Variants in LRRC49 observed in about 807,000 individuals in gnomAD.
LRRC49 encodes the protein leucine rich repeat containing 49.
LRRC49 carries 50 observed loss-of-function variants against 83.3 expected under a neutral mutation model. The ratio of observed to expected loss-of-function variants is 0.60; its 90% CI spans 0.48 to 0.76. LRRC49 has a LOEUF of 0.76. Among genes scored for constraint, LRRC49 ranks in the 30% least tolerant of loss-of-function variants. The pLI is 0.00. For missense variants in LRRC49, 704 were observed against 809.1 expected, an observed-to-expected ratio of 0.87 and a Z score of 1.58; for synonymous variants, 286 against 283.3, an observed-to-expected ratio of 1.01 and a Z score of -0.10.
chr15:70,917,173 G>C (rs917112089), intron 6 of LRRC49, among the ~76,000 whole-genome samples: 12 of 152,308 alleles, frequency 7.9e-5, no homozygotes, highest in Admixed American at 3.3e-4. Context: ...GGGCAGCTAG[G>C]TGCTGGCCTG....
At chr15:70,971,065 A>C (rs1365604426) in intron 9 of LRRC49, among the ~76,000 whole-genome samples, 1 of 152,056 alleles carries the variant, frequency 6.6e-6, no homozygotes, top group Non-Finnish European at 1.5e-5. Flanking sequence ...AATTCTTTCA[A>C]TTGTGATGTT....
chr15:70,858,574 T>C lies in LRRC49; in HGVS notation c.-299+5105T>C, dbSNP rs972783035. The C allele has an allele frequency of 1.3e-5, 6 of 460,158 alleles. No homozygotes were observed. The East Asian group carries it at 2.0e-4, about 15-fold the overall frequency. 28.5% of individuals were successfully genotyped at this position (460,158 alleles called of 1,614,324 possible). On this transcript the variant is annotated intron_variant, in intron 1 of 16. Transcript: ENST00000544974. ...AGCCGAGATTGTGCCATTGCACTCC[T>C]GCCTGGGCGACAGAGCGAGACTTGG...
intron 1 of LRRC49, chr15:70,859,706 G>C (rs573877409): frequency 1.2e-5 from 8 of 681,618 alleles, no homozygotes; most frequent in Non-Finnish European, 2.2e-5. Flanking sequence ...GGCTTCCCTG[G>C]AGGCCACCAT....
chr15:70,870,421 A>G (rs950544349), intron 1 of LRRC49, among the ~76,000 whole-genome samples: 5 of 152,238 alleles, frequency 3.3e-5, no homozygotes, highest in Admixed American at 3.3e-4. Flanking sequence ...GTGAAGTTGT[A>G]TCAATCCCAA....
chr15:70,883,028 T>C, intron 2 of LRRC49: 1 of 943,416 alleles, frequency 1.1e-6, no homozygotes, highest in Middle Eastern at 2.8e-4. Flanking sequence ...TTAGTAAGGC[T>C]GATATTTGAA....
intron 8 of LRRC49, among the ~76,000 whole-genome samples, chr15:70,963,168 T>G (rs2036667115): frequency 1.3e-5 from 2 of 151,144 alleles, no homozygotes; most frequent in Non-Finnish European, 2.9e-5. Flanking sequence ...TCCAACTACT[T>G]GGGTTGCTCA....
intron 2 of LRRC49, among the ~76,000 whole-genome samples, chr15:70,880,864 C>T (rs2033249001): frequency 6.6e-6 from 1 of 152,114 alleles, no homozygotes. Flanking sequence ...TTTCAAAGCT[C>T]AAAGGGTACT....
At chr15:70,971,214 T>G (rs994068303) in intron 9 of LRRC49, among the ~76,000 whole-genome samples, 13 of 152,216 alleles carry the variant, frequency 8.5e-5, no homozygotes, top group African/African-American at 3.1e-4. Context: ...AACTTCTTTA[T>G]TTCTCCCTTA....
chr15:70,945,565 G>GTGTGTGTA (rs1009170910), intron 8 of LRRC49, among the ~76,000 whole-genome samples: 1 of 146,240 alleles, frequency 6.8e-6, no homozygotes, highest in Admixed American at 6.8e-5. Context: ...GTGTGTGTGT[G>GTGTGTGTA]TATCTGTCTG....
chr15:70,943,587 C>T (rs942029470), intron 8 of LRRC49, among the ~76,000 whole-genome samples: 5 of 152,134 alleles, frequency 3.3e-5, no homozygotes, highest in Non-Finnish European at 7.3e-5. Context: ...TGGGAGAGGC[C>T]GCATGCACAG....
At chr15:70,893,223 TTTTTC>T (rs1283682447) in intron 1 of LRRC49, 2 of 571,788 alleles carry the variant, frequency 3.5e-6, no homozygotes, top group East Asian at 2.9e-5. Context: ...AGTCAATTCC[TTTTTC>T]TTTTCTTTTC....
At chr15:70,975,893 T>C (rs928623345) in intron 9 of LRRC49, among the ~76,000 whole-genome samples, 2 of 152,084 alleles carry the variant, frequency 1.3e-5, no homozygotes, top group Admixed American at 6.6e-5. Context: ...CTTTTTGACA[T>C]GTGGGAAGAT....
chr15:71,022,561 A>G (rs2039027735), intron 14 of LRRC49, among the ~76,000 whole-genome samples: 1 of 152,216 alleles, frequency 6.6e-6, no homozygotes, highest in Non-Finnish European at 1.5e-5. Context: ...TGAGGACTCA[A>G]TAGACTTGAA....
chr15:70,919,207 T>TG lies in LRRC49; in HGVS notation c.711+16dup, dbSNP rs765850386. 6.2e-7 allele frequency: 1 copy of TG among 1,603,946 alleles called. No homozygotes were observed. The highest frequency in any genetic ancestry group is 1.7e-5 in the Admixed American group (1 of 58,240). ...ATCACTTTCGTGGTGAGTATTAAAA[T>TG]GGAGTTGATATGTACTTTGTGGCTT... On this transcript the variant is annotated intron_variant, in intron 7 of 15. Coordinates refer to ENST00000260382, the MANE Select transcript of LRRC49 (RefSeq NM_017691.5).
At chr15:70,952,773 C>T (rs1451826227) in intron 8 of LRRC49, among the ~76,000 whole-genome samples, 1 of 151,818 alleles carries the variant, frequency 6.6e-6, no homozygotes, top group Non-Finnish European at 1.5e-5. Context: ...AATCTCTTCA[C>T]AGATCGCTAA....
chr15:71,009,732 G>C (rs1345957833), intron 12 of LRRC49, 75 bp from the exon 13 acceptor site: 1 of 983,078 alleles, frequency 1.0e-6, no homozygotes, highest in East Asian at 2.5e-5. Flanking sequence ...GGAATGATTA[G>C]TGAAGCTTTA....
At chr15:70,907,235 CT>C (rs1255776747) in intron 5 of LRRC49, among the ~76,000 whole-genome samples, 1 of 152,226 alleles carries the variant, frequency 6.6e-6, no homozygotes, top group Non-Finnish European at 1.5e-5. Context: ...GTTCAGAAAG[CT>C]TTCTCCTTCC....
intron 5 of LRRC49, among the ~76,000 whole-genome samples, chr15:70,905,744 A>C (rs1247278818): frequency 6.6e-6 from 1 of 152,096 alleles, no homozygotes; most frequent in Non-Finnish European, 1.5e-5. Flanking sequence ...AGCAAGGCCT[A>C]TTTGTTCAGA....
chr15:71,005,637 A>G (rs1394008474), intron 11 of LRRC49, among the ~76,000 whole-genome samples: 3 of 152,196 alleles, frequency 2.0e-5, no homozygotes, highest in South Asian at 2.1e-4. Flanking sequence ...TAATTTTGCT[A>G]TATCCAGAAA....
Sources: gnomAD v4.1 joint callset for allele counts (sites outside exome capture counted in the v4.1 genomes callset) on GRCh38, gnomAD v4.1.1 for gene constraint, MANE v1.5 for transcripts, NCBI Gene and HGNC (gene_info 2026-07-23, HGNC 2026-07-21) for gene names.